ATRX: variants seen among roughly 807,000 people sequenced by gnomAD.
ATRX encodes ATRX chromatin remodeler.
Under a neutral mutation model 172.6 loss-of-function variants are expected in ATRX, and 12 were observed. That is an observed-to-expected ratio of 0.07 (90% CI 0.04 to 0.11). The LOEUF is 0.11. Ranked by LOEUF, ATRX falls within the 10% of genes least tolerant of loss-of-function variation. The pLI, the probability that ATRX is intolerant of heterozygous loss-of-function variation, is 1.00. For synonymous variants in ATRX, 674 were observed against 594.7 expected, an observed-to-expected ratio of 1.13 and a Z score of -1.94; for missense variants, 1,368 against 1,767.4, an observed-to-expected ratio of 0.77 and a Z score of 4.05.
chrX:77,739,920 G>A (rs1200995821), intron 1 of ATRX, among the ~76,000 whole-genome samples: 4 of 106,999 alleles, frequency 3.7e-5, no homozygotes, highest in Non-Finnish European at 7.7e-5. Context: ...AGATATAGTG[G>A]CGGGCACCTG....
chrX:77,543,202 A>G, intron 30 of ATRX, among the ~76,000 whole-genome samples: 1 of 112,668 alleles, frequency 8.9e-6, no homozygotes, highest in Non-Finnish European at 1.9e-5. Context: ...ACAGACATGA[A>G]AAAATACTCA....
chrX:77,592,656 T>C (rs979864934), intron 26 of ATRX, among the ~76,000 whole-genome samples: 1 of 96,009 alleles, frequency 1.0e-5, no homozygotes, highest in Non-Finnish European at 2.1e-5. Context: ...CTACTAAAAA[T>C]ACAAAATTAG....
At chrX:77,606,759 A>AG in intron 22 of ATRX, among the ~76,000 whole-genome samples, 1 of 106,958 alleles carries the variant, frequency 9.3e-6, no homozygotes. Flanking sequence ...CATCTCTACA[A>AG]AAAAAAAAAA....
chrX:77,737,435 AGG>A (rs1210379916), intron 1 of ATRX, among the ~76,000 whole-genome samples: 893 of 39,174 alleles, frequency 0.023, 11 homozygotes, highest in South Asian at 0.07. Context: ...AAAAAAAAAA[AGG>A]GGGGGGGGGG....
At chrX:77,632,094 G>A (rs1475120409) in intron 19 of ATRX, among the ~76,000 whole-genome samples, 1 of 111,210 alleles carries the variant, frequency 9.0e-6, no homozygotes, top group Admixed American at 9.6e-5. Context: ...CAGCTCCCAG[G>A]TTTGAGCGAT....
intron 15 of ATRX, among the ~76,000 whole-genome samples, chrX:77,644,395 C>T (rs1339001373): frequency 8.9e-6 from 1 of 112,059 alleles, no homozygotes; most frequent in Non-Finnish European, 1.9e-5. Context: ...ATTTTAAAAT[C>T]CCAGCAAACC....
Position 77,589,840 on chromosome X carries a change from A to G in ATRX, c.6211T>C (p.Tyr2071His). 8.4e-7 allele frequency: 1 copy of G among 1,191,731 alleles called. No individual in the cohort carries two copies. The highest frequency in any genetic ancestry group is 3.0e-5 in the East Asian group (1 of 33,612). Residue 2071 changes from tyrosine to histidine, a missense_variant, in exon 27 of 35, where the codon TAT (tyrosine) becomes CAT (histidine). Transcript: ENST00000373344. ...AGAAATATTTGTAGCTCACCTTTATAAATAAGGGGTTTATCTTTATCTTCT... is the reference window on the plus strand; with the variant it reads ...AGAAATATTTGTAGCTCACCTTTATGAATAAGGGGTTTATCTTTATCTTCT... Reference protein sequence around the residue: ...KTEDKDKPLIYKGEGKWLRNI... With the variant: ...KTEDKDKPLIHKGEGKWLRNI...
intron 1 of ATRX, among the ~76,000 whole-genome samples, chrX:77,783,589 T>C (rs980719753): frequency 1.1e-4 from 12 of 111,975 alleles, no homozygotes; most frequent in Non-Finnish European, 1.1e-4. Flanking sequence ...CTTGACAAAA[T>C]ATTTGATAAA....
intron 28 of ATRX, among the ~76,000 whole-genome samples, chrX:77,559,924 T>C (rs2064957166): frequency 8.9e-6 from 1 of 112,120 alleles, no homozygotes; most frequent in African/African-American, 3.2e-5. Flanking sequence ...AATATTTACG[T>C]AGCCACAATA....
At chrX:77,627,924 T>C (rs1450287685) in intron 19 of ATRX, among the ~76,000 whole-genome samples, 1 of 111,285 alleles carries the variant, frequency 9.0e-6, no homozygotes, top group Non-Finnish European at 1.9e-5. Flanking sequence ...TGTTACCTTA[T>C]ATACTTTCTA....
chrX:77,651,865 A>G, intron 15 of ATRX: 1 of 368,351 alleles, frequency 2.7e-6, no homozygotes, highest in Non-Finnish European at 4.7e-6. Context: ...TCTAAAAAAA[A>G]GAAATCTGTG....
intron 1 of ATRX, among the ~76,000 whole-genome samples, chrX:77,768,510 A>G (rs782630036): frequency 1.2e-4 from 14 of 112,182 alleles, no homozygotes; most frequent in Non-Finnish European, 2.3e-4. Context: ...TTTATTTTCT[A>G]TTTATTTATT....
chrX:77,691,155 T>G (rs1467942449), intron 6 of ATRX: 2 of 112,275 alleles, frequency 1.8e-5, no homozygotes, highest in African/African-American at 6.5e-5. Flanking sequence ...GTTTTATGAA[T>G]ACATATATAA....
At chrX:77,780,787 C>A (rs945028988) in intron 1 of ATRX, among the ~76,000 whole-genome samples, 4 of 109,371 alleles carry the variant, frequency 3.7e-5, no homozygotes, top group Non-Finnish European at 7.6e-5. Context: ...ACAAAAAAAT[C>A]AAAAAATTAG....
At chrX:77,544,855 G>A (rs1053286069) in intron 30 of ATRX, among the ~76,000 whole-genome samples, 15 of 110,354 alleles carry the variant, frequency 1.4e-4, no homozygotes, top group Non-Finnish European at 2.3e-4. Flanking sequence ...CTTTGCTATC[G>A]TGAATAAACC....
At chrX:77,626,052 TATATATATA>T in intron 19 of ATRX, among the ~76,000 whole-genome samples, 1 of 46,217 alleles carries the variant, frequency 2.2e-5, no homozygotes, top group Non-Finnish European at 4.7e-5. Flanking sequence ...TATATATATA[TATATATATA>T]TATATATATA....
intron 22 of ATRX, among the ~76,000 whole-genome samples, chrX:77,609,352 T>C (rs1243651762): frequency 8.9e-6 from 1 of 112,103 alleles, no homozygotes; most frequent in Non-Finnish European, 1.9e-5. Context: ...AACAGATGAA[T>C]GAATAAAGAA....
chrX:77,656,931 T>C (rs1208208516), intron 12 of ATRX, among the ~76,000 whole-genome samples: 1 of 111,789 alleles, frequency 8.9e-6, no homozygotes, highest in African/African-American at 3.2e-5. Flanking sequence ...ATAAATTACC[T>C]GTCAATAAAA....
intron 1 of ATRX, among the ~76,000 whole-genome samples, chrX:77,756,552 G>A (rs1488416118): frequency 1.8e-5 from 2 of 110,507 alleles, no homozygotes; most frequent in African/African-American, 3.3e-5. Flanking sequence ...TATCTGTGCC[G>A]GATAGCATAG....
Sources: gnomAD v4.1 joint callset for allele counts (sites outside exome capture counted in the v4.1 genomes callset) on GRCh38, gnomAD v4.1.1 for gene constraint, MANE v1.5 for transcripts, NCBI Gene and HGNC (gene_info 2026-07-23, HGNC 2026-07-21) for gene names.